SH2D4A: variants seen among roughly 807,000 people sequenced by gnomAD.
SH2D4A encodes the protein SH2 domain-containing protein 4A.
In SH2D4A, 70 loss-of-function variants were observed where a neutral mutation model predicts 64.7. The ratio of observed to expected loss-of-function variants is 1.08; its 90% CI spans 0.89 to 1.32. The LOEUF (loss-of-function observed/expected upper bound fraction) is 1.32. Among genes scored for constraint, SH2D4A ranks in the 40% most tolerant of loss-of-function variants. The pLI is 0.00. For missense variants in SH2D4A, 706 were observed against 540.1 expected, an observed-to-expected ratio of 1.31 and a Z score of -3.04; for synonymous variants, 268 against 200.7, an observed-to-expected ratio of 1.34 and a Z score of -2.83.
rs1585225344 is a variant in SH2D4A, at chr8:19,396,192, T to TTCTA, written c.*1551_*1554dup. ...TAGGTCAATACTCTTTTACATTGCC[T>TTCTA]TCTAATAAAAGCAGAATGATACAGC... On this transcript the variant is annotated 3_prime_UTR_variant, in exon 10 of 10. Transcript: ENST00000265807. The TTCTA allele has an allele frequency of 6.6e-6, 1 of 152,192 alleles. No homozygotes were observed. Among genetic ancestry groups the TTCTA allele is most frequent in the East Asian group, 1.9e-4 (1 of 5,186 alleles). The allele number at this position is 152,192 out of a possible 1,614,324, so 9.4% of individuals were successfully genotyped here. A position where few individuals can be genotyped will look rare whatever the true frequency, so the allele number is the denominator to read the frequency against.
At chr8:19,331,575 G>C (rs943406645) in intron 2 of SH2D4A, among the ~76,000 whole-genome samples, 1 of 152,130 alleles carries the variant, frequency 6.6e-6, no homozygotes, top group South Asian at 2.1e-4. Context: ...GTAAACAAGG[G>C]TTATTTAAGT....
chr8:19,322,923 C>T (rs138554249), intron 2 of SH2D4A, among the ~76,000 whole-genome samples: 357 of 152,216 alleles, frequency 2.3e-3, no homozygotes, highest in African/African-American at 8.3e-3. Flanking sequence ...GATCCACCCA[C>T]CTCCGCCTCC....
chr8:19,364,421 T>C, intron 7 of SH2D4A, 139 bp downstream of exon 7: 2 of 881,738 alleles, frequency 2.3e-6, no homozygotes, highest in Non-Finnish European at 3.4e-6. Context: ...CTCAGGTTCA[T>C]GTCTAAGCCT....
intron 9 of SH2D4A, among the ~76,000 whole-genome samples, chr8:19,394,156 A>C (rs1294141834): frequency 2.6e-5 from 4 of 152,100 alleles, no homozygotes; most frequent in African/African-American, 7.2e-5. Flanking sequence ...TCCTATGAAA[A>C]TCTAATGCTG....
At chr8:19,377,800 CAT>C (rs1332711611) in intron 8 of SH2D4A, among the ~76,000 whole-genome samples, 2 of 152,152 alleles carry the variant, frequency 1.3e-5, no homozygotes, top group Non-Finnish European at 2.9e-5. Flanking sequence ...GCTGTAAACA[CAT>C]ATGATCATTT....
chr8:19,335,933 A>G (rs138337543), intron 4 of SH2D4A, among the ~76,000 whole-genome samples: 2 of 152,262 alleles, frequency 1.3e-5, no homozygotes, highest in African/African-American at 4.8e-5. Flanking sequence ...CAGTTGTTTG[A>G]TTTCCATTTA....
chr8:19,337,763 C>T (rs2052467084), intron 4 of SH2D4A, among the ~76,000 whole-genome samples: 1 of 152,100 alleles, frequency 6.6e-6, no homozygotes, highest in Non-Finnish European at 1.5e-5. Context: ...CTCATGAGAC[C>T]CACTCACTAT....
chr8:19,331,760 C>G (rs191688284), intron 2 of SH2D4A, among the ~76,000 whole-genome samples: 219 of 152,232 alleles, frequency 1.4e-3, no homozygotes, highest in African/African-American at 5.2e-3. Flanking sequence ...AGCCTGCCTG[C>G]CCACAGCAAC....
At chr8:19,346,606 CT>C (rs537694473) in intron 4 of SH2D4A, among the ~76,000 whole-genome samples, 1 of 152,170 alleles carries the variant, frequency 6.6e-6, no homozygotes, top group Non-Finnish European at 1.5e-5. Flanking sequence ...CTGGCGCCCC[CT>C]ATCTATGGAA....
At chr8:19,319,249 C>T in intron 1 of SH2D4A, 95 bp from the exon 2 acceptor site, 2 of 930,658 alleles carry the variant, frequency 2.1e-6, no homozygotes, top group Non-Finnish European at 2.6e-6. Flanking sequence ...AAAAGTGATA[C>T]TGTGTTTCCT....
intron 1 of SH2D4A, among the ~76,000 whole-genome samples, chr8:19,317,040 C>G (rs763110384): frequency 2.0e-5 from 3 of 152,184 alleles, no homozygotes. Flanking sequence ...AGGATCTACC[C>G]ATGCCTTGAA....
At chr8:19,364,577 C>A (rs552476484) in intron 7 of SH2D4A, among the ~76,000 whole-genome samples, 2 of 152,008 alleles carry the variant, frequency 1.3e-5, no homozygotes, top group African/African-American at 4.8e-5. Context: ...CTCCCCTTTC[C>A]CTCCCCCGCC....
intron 4 of SH2D4A, among the ~76,000 whole-genome samples, chr8:19,343,664 C>A (rs1225645472): frequency 2.6e-5 from 4 of 152,180 alleles, no homozygotes; most frequent in Non-Finnish European, 5.9e-5. Flanking sequence ...CTTCAGTGCC[C>A]AGCACTGTTG....
intron 8 of SH2D4A, among the ~76,000 whole-genome samples, chr8:19,391,442 A>C (rs576079602): frequency 2.0e-5 from 3 of 152,142 alleles, no homozygotes; most frequent in Non-Finnish European, 4.4e-5. Context: ...TGATACATGC[A>C]ATGCATGTGC....
At chr8:19,362,899 A>G (rs1253060551) in intron 6 of SH2D4A, among the ~76,000 whole-genome samples, 1 of 152,162 alleles carries the variant, frequency 6.6e-6, no homozygotes, top group Non-Finnish European at 1.5e-5. Context: ...AGTCAACATC[A>G]GTGTGTAGTA....
Position 19,383,435 on chromosome 8 carries a change from T to C in SH2D4A, c.1048+9775T>C, listed in dbSNP as rs145108361. 5.3e-3 allele frequency among the ~76,000 whole-genome samples: 806 copies of C among 152,130 alleles called. 7 individuals carry two copies. The highest frequency in any genetic ancestry group is 0.018 in the African/African-American group (766 of 41,534). Reference sequence around the variant, plus strand: ...TTAGGTTTTCTCTTTATACTTACATTTTGTGCATACGTAAAGTCTTTGAGT... The same window carrying C: ...TTAGGTTTTCTCTTTATACTTACATCTTGTGCATACGTAAAGTCTTTGAGT... On this transcript the variant is annotated intron_variant, in intron 8 of 9. Transcript: ENST00000265807.
intron 8 of SH2D4A, among the ~76,000 whole-genome samples, chr8:19,381,047 T>C (rs887747118): frequency 3.8e-5 from 5 of 131,136 alleles, no homozygotes; most frequent in Non-Finnish European, 6.2e-5. Flanking sequence ...TGTTTTGTAG[T>C]TTTTTTTTTT....
At chr8:19,386,179 A>G (rs923017088) in intron 8 of SH2D4A, among the ~76,000 whole-genome samples, 7 of 152,216 alleles carry the variant, frequency 4.6e-5, no homozygotes, top group Non-Finnish European at 8.8e-5. Context: ...ATTAAAGCAA[A>G]GCACGTTTTG....
At chr8:19,372,375 A>G (rs562565568) in intron 7 of SH2D4A, among the ~76,000 whole-genome samples, 30 of 152,226 alleles carry the variant, frequency 2.0e-4, no homozygotes, top group Admixed American at 1.8e-3. Flanking sequence ...GCTGTGTGGG[A>G]AAGCTGGTCA....
Sources: gnomAD v4.1 joint callset for allele counts (sites outside exome capture counted in the v4.1 genomes callset) on GRCh38, gnomAD v4.1.1 for gene constraint, MANE v1.5 for transcripts, NCBI Gene and HGNC (gene_info 2026-07-23, HGNC 2026-07-21) for gene names.